Variants in DLG2 observed in about 807,000 individuals in gnomAD.
The protein encoded by DLG2 is discs large MAGUK scaffold protein 2.
In DLG2, 45 loss-of-function variants were observed where a neutral mutation model predicts 132.5. That is an observed-to-expected ratio of 0.34 (90% confidence interval 0.27 to 0.44). The LOEUF is 0.44. Among genes scored for constraint, DLG2 ranks in the 20% least tolerant of loss-of-function variants. The pLI is 1.00. For synonymous variants in DLG2, 424 were observed against 419.6 expected (o/e 1.01, Z -0.13); for missense variants, 1,045 against 1,196.9 (o/e 0.87, Z 1.87).
intron 11 of DLG2, among the ~76,000 whole-genome samples, chr11:83,998,119 G>C (rs1031646550): frequency 2.0e-5 from 3 of 152,038 alleles, no homozygotes; most frequent in Non-Finnish European, 2.9e-5. Flanking sequence ...CTGGGCGACA[G>C]AGTGAGACCC....
chr11:85,134,491 T>C (rs1266175072), intron 5 of DLG2, among the ~76,000 whole-genome samples: 1 of 122,458 alleles, frequency 8.2e-6, no homozygotes, highest in Non-Finnish European at 1.6e-5. Context: ...ATCCCGCCAC[T>C]GCACTCCAGC....
intron 2 of DLG2, among the ~76,000 whole-genome samples, chr11:85,624,390 TAATGAG>T (rs1389383316): frequency 5.9e-5 from 9 of 152,210 alleles, no homozygotes; most frequent in African/African-American, 2.2e-4. Context: ...TTTCATACTT[TAATGAG>T]AATATGTTCA....
At chr11:84,980,227 C>A (rs2055538247) in intron 6 of DLG2, among the ~76,000 whole-genome samples, 1 of 152,072 alleles carries the variant, frequency 6.6e-6, no homozygotes, top group Non-Finnish European at 1.5e-5. Context: ...TTTTACTTAA[C>A]AGAAGTACCT....
rs184094436 is a variant in DLG2 at position 83,466,372 on chromosome 11, C to T, written c.2729+336G>A. Among the ~76,000 whole-genome samples the T allele has an allele frequency of 3.9e-3, 601 of 152,180 alleles. 2 individuals are homozygous for T. Among genetic ancestry groups the T allele is most frequent in the African/African-American group, 0.013 (557 of 41,540 alleles). On this transcript the variant is annotated intron_variant, in intron 26 of 27. Coordinates refer to ENST00000376104, the MANE Select transcript of DLG2 (RefSeq NM_001142699.3). ...AGCAAACCAAAAAACCAAATCAAGC[C>T]AAGCTATCCTCAAAACAACAACAAC...
chr11:84,231,157 T>A (rs900904732), intron 8 of DLG2, among the ~76,000 whole-genome samples: 2 of 152,180 alleles, frequency 1.3e-5, no homozygotes, highest in African/African-American at 4.8e-5. Context: ...CTTCTTATTG[T>A]CCCTTCTTAC....
intron 4 of DLG2, among the ~76,000 whole-genome samples, chr11:85,194,516 A>G (rs933847604): frequency 6.6e-6 from 1 of 152,124 alleles, no homozygotes; most frequent in Admixed American, 6.5e-5. Flanking sequence ...CAATATGAAT[A>G]TAAAGATACA....
intron 3 of DLG2, among the ~76,000 whole-genome samples, chr11:85,398,618 T>C (rs1347050864): frequency 6.6e-6 from 1 of 151,950 alleles, no homozygotes; most frequent in Admixed American, 6.6e-5. Flanking sequence ...CCCACAGAAA[T>C]ACAAACTACC....
chr11:85,138,477 A>C (rs774143933), intron 5 of DLG2, among the ~76,000 whole-genome samples: 24 of 152,170 alleles, frequency 1.6e-4, no homozygotes, highest in Non-Finnish European at 3.4e-4. Flanking sequence ...TTTTGCTTTC[A>C]AGTCAATATA....
chr11:83,961,142 C>A (rs1432882109), intron 14 of DLG2, among the ~76,000 whole-genome samples: 1 of 151,982 alleles, frequency 6.6e-6, no homozygotes, highest in African/African-American at 2.4e-5. Context: ...TTTCTAAGTT[C>A]TTTGCATTCA....
intron 7 of DLG2, among the ~76,000 whole-genome samples, chr11:84,500,255 T>A (rs1192914963): frequency 6.6e-6 from 1 of 151,348 alleles, no homozygotes; most frequent in African/African-American, 2.4e-5. Context: ...CCTGATTAGA[T>A]AGCTGGAAGG....
At chr11:84,413,676 G>T (rs934815783) in intron 7 of DLG2, among the ~76,000 whole-genome samples, 1 of 152,128 alleles carries the variant, frequency 6.6e-6, no homozygotes, top group Admixed American at 6.6e-5. Flanking sequence ...TCAGTCACAG[G>T]TTCTCAGAAC....
At chr11:84,029,243 A>G (rs2095624807) in intron 11 of DLG2, among the ~76,000 whole-genome samples, 1 of 152,126 alleles carries the variant, frequency 6.6e-6, no homozygotes, top group Admixed American at 6.6e-5. Flanking sequence ...AACACTGACC[A>G]CCAATAAAAA....
intron 3 of DLG2, among the ~76,000 whole-genome samples, chr11:85,470,902 T>A (rs767260110): frequency 1.3e-5 from 2 of 152,206 alleles, no homozygotes; most frequent in Non-Finnish European, 2.9e-5. Context: ...CAAAGGAGGA[T>A]AAGACACAGA....
intron 6 of DLG2, among the ~76,000 whole-genome samples, chr11:84,728,238 C>T (rs184428023): frequency 5.7e-4 from 87 of 151,918 alleles, no homozygotes; most frequent in African/African-American, 2.1e-3. Flanking sequence ...GTCATAAATA[C>T]CTCTTATTAT....
chr11:85,047,633 C>T (rs1389799696), intron 6 of DLG2, among the ~76,000 whole-genome samples: 2 of 151,718 alleles, frequency 1.3e-5, no homozygotes, highest in African/African-American at 4.8e-5. Flanking sequence ...TCACTCATAC[C>T]TCTGGGCTAT....
chr11:84,659,261 T>A (rs959218875), intron 6 of DLG2, among the ~76,000 whole-genome samples: 2 of 152,126 alleles, frequency 1.3e-5, no homozygotes, highest in African/African-American at 4.8e-5. Context: ...CAACACTTTT[T>A]AAAATTTGAA....
rs1325845000 is a variant in DLG2, at chr11:84,238,532, G to GA, written c.573+12705dup. On this transcript the variant is annotated intron_variant, in intron 8 of 27. Coordinates refer to ENST00000376104, the MANE Select transcript of DLG2 (RefSeq NM_001142699.3). ...GAGACCCTGTCTCAAAAAAGAAAAA[G>GA]AAAAAAAAAAAAGCCAAGCAAGATT... Among the ~76,000 whole-genome samples, 265 of 108,412 alleles carry GA rather than the reference G, an allele frequency of 2.4e-3. 1 individual carries two copies. The highest frequency in any genetic ancestry group is 0.011 in the East Asian group (41 of 3,614). 71.1% of individuals were successfully genotyped at this position (108,412 alleles called of 152,430 possible). A position where few individuals can be genotyped will look rare whatever the true frequency, so the allele number is the denominator to read the frequency against.
At chr11:85,064,357 A>G (rs1327639367) in intron 6 of DLG2, among the ~76,000 whole-genome samples, 3 of 151,810 alleles carry the variant, frequency 2.0e-5, no homozygotes, top group African/African-American at 7.3e-5. Context: ...ATTTGCCTAT[A>G]TATAAAATCA....
At chr11:83,606,999 G>A (rs2059440401) in intron 19 of DLG2, among the ~76,000 whole-genome samples, 1 of 152,238 alleles carries the variant, frequency 6.6e-6, no homozygotes, top group Non-Finnish European at 1.5e-5. Context: ...AGCAATGAAC[G>A]ATTCGCAAAT....
Sources: gnomAD v4.1 joint callset for allele counts (sites outside exome capture counted in the v4.1 genomes callset) on GRCh38, gnomAD v4.1.1 for gene constraint, MANE v1.5 for transcripts, NCBI Gene and HGNC (gene_info 2026-07-23, HGNC 2026-07-21) for gene names.